The following KTN1 variants were observed in gnomAD, a reference collection of about 807,000 sequenced individuals.
The protein encoded by KTN1 is kinectin.
A neutral mutation model predicts 222.5 loss-of-function variants in KTN1; 130 were observed. The ratio of observed to expected loss-of-function variants is 0.58; its 90% confidence interval spans 0.51 to 0.68. KTN1 has a LOEUF of 0.68. Among genes scored for constraint, KTN1 ranks in the 30% least tolerant of loss-of-function variants. The probability of loss-of-function intolerance (pLI) is 0.00; values close to 1 mark genes in which losing one functional copy is unlikely to be tolerated. For missense variants in KTN1, 1,508 were observed against 1,500.4 expected (o/e 1.01, Z -0.08); for synonymous variants, 512 against 496.3 (o/e 1.03, Z -0.42).
chr14:55,673,239 A>G lies in KTN1; in HGVS notation c.3755A>G (p.Asn1252Ser). 1 of 1,611,130 alleles carries G rather than the reference A, an allele frequency of 6.2e-7. No homozygotes were observed. The highest frequency in any genetic ancestry group is 1.1e-5 in the South Asian group (1 of 90,944). ...DDSYSEAVRQ[N>S]EELNLLKAQL... ...TCATATTCTGAAGCAGTAAGACAGAATGAAGAGCTAAATTTGGTAAGAAGC... is the reference window on the plus strand; with the variant it reads ...TCATATTCTGAAGCAGTAAGACAGAGTGAAGAGCTAAATTTGGTAAGAAGC... Residue 1252 changes from asparagine (N) to serine (S), a missense_variant, in exon 40 of 44, where the codon AAT becomes AGT. Transcript: ENST00000395314.
intron 1 of KTN1, among the ~76,000 whole-genome samples, chr14:55,597,878 G>A (rs1406894095): frequency 2.6e-5 from 4 of 151,950 alleles, no homozygotes; most frequent in Non-Finnish European, 5.9e-5. Flanking sequence ...AATGTAGGTT[G>A]TAGGAATGTA....
At chr14:55,592,657 T>C (rs1262743649) in intron 1 of KTN1, among the ~76,000 whole-genome samples, 1 of 152,240 alleles carries the variant, frequency 6.6e-6, no homozygotes, top group Non-Finnish European at 1.5e-5. Context: ...CAATAAACTT[T>C]GAAGTCCCTC....
intron 1 of KTN1, among the ~76,000 whole-genome samples, chr14:55,602,942 T>C (rs1237696078): frequency 2.6e-5 from 4 of 152,198 alleles, no homozygotes; most frequent in Admixed American, 6.5e-5. Flanking sequence ...AAGAGAATAG[T>C]AGCATTAGGA....
intron 22 of KTN1, 120 bp from the exon 23 acceptor site, chr14:55,650,208 A>G (rs1053257183): frequency 2.8e-6 from 2 of 706,354 alleles, no homozygotes; most frequent in Non-Finnish European, 2.4e-6. Flanking sequence ...ACATGTTGCT[A>G]TTTTATTTAA....
intron 34 of KTN1, chr14:55,668,309 A>G (rs978213604): frequency 6.6e-6 from 1 of 151,948 alleles, no homozygotes; most frequent in Non-Finnish European, 1.5e-5. Context: ...TCTCTTAGAT[A>G]TTTTTTAATC....
intron 2 of KTN1, among the ~76,000 whole-genome samples, chr14:55,616,232 G>A (rs1258746332): frequency 6.6e-6 from 1 of 152,108 alleles, no homozygotes; most frequent in African/African-American, 2.4e-5. Context: ...TTACAGGTGT[G>A]AGCAGCTGCA....
At chr14:55,656,171 A>G (rs758275645) in intron 29 of KTN1, 39 bp downstream of exon 29, 1 of 1,371,078 alleles carries the variant, frequency 7.3e-7, no homozygotes, top group Non-Finnish European at 1.0e-6. Context: ...TTTGTAAATT[A>G]TTGTCTTTGC....
At chr14:55,601,482 C>T (rs1211284462) in intron 1 of KTN1, among the ~76,000 whole-genome samples, 1 of 152,022 alleles carries the variant, frequency 6.6e-6, no homozygotes, top group Admixed American at 6.6e-5. Context: ...TTGTGCACTC[C>T]GGGGCCATTA....
chr14:55,634,655 G>C lies in KTN1; in HGVS notation c.1458G>C (p.Leu486Phe). ...KKNAEQAATQLKVQLQEAERR... is the reference protein window; with the variant it reads ...KKNAEQAATQFKVQLQEAERR... ...ATGCTGAGCAAGCAGCTACTCAGTT[G>C]AAGGTGATATATTCTCACCTTTATT... Residue 486 changes from leucine (L) to phenylalanine (F), a missense_variant, in exon 9 of 44, where the codon TTG becomes TTC. Transcript: ENST00000395314. 1 of 1,610,334 alleles carries C rather than the reference G, an allele frequency of 6.2e-7. No individual in the cohort carries two copies. Among genetic ancestry groups the C allele is most frequent in the Non-Finnish European group, 8.5e-7 (1 of 1,178,466 alleles).
chr14:55,617,373 A>T (rs983387249), intron 3 of KTN1, among the ~76,000 whole-genome samples: 2 of 152,312 alleles, frequency 1.3e-5, no homozygotes, highest in African/African-American at 2.4e-5. Context: ...TTGATGTTCA[A>T]ACTCTTCAAA....
chr14:55,649,867 T>C, intron 22 of KTN1, 54 bp downstream of exon 22: 1 of 993,274 alleles, frequency 1.0e-6, no homozygotes, highest in African/African-American at 1.7e-5. Context: ...CATTTTTTTT[T>C]TGTGTGTGCT....
At chr14:55,643,150 T>G (rs537905393) in intron 18 of KTN1, among the ~76,000 whole-genome samples, 22 of 152,304 alleles carry the variant, frequency 1.4e-4, no homozygotes, top group African/African-American at 5.1e-4. Flanking sequence ...CCTTAAGTGA[T>G]CTGCCTGCCT....
intron 29 of KTN1, among the ~76,000 whole-genome samples, chr14:55,658,163 T>C (rs1213514861): frequency 6.6e-6 from 1 of 152,102 alleles, no homozygotes; most frequent in Non-Finnish European, 1.5e-5. Context: ...GGCTGGGGCA[T>C]CTAGTGGATG....
At chr14:55,617,902 G>C (rs576885861) in intron 3 of KTN1, 62 bp from the exon 4 acceptor site, 1 of 1,156,064 alleles carries the variant, frequency 8.7e-7, no homozygotes, top group South Asian at 1.7e-5. Flanking sequence ...AATTATGCTT[G>C]CATGTCATTT....
rs531169648 is a variant in KTN1 at position 55,659,498 on chromosome 14, G to A, written c.2962-168G>A. ...AGCATTCCATACATTTTACAGATTT[G>A]TACATGTTTTTATTAAAATCACTTG... On this transcript the variant is annotated intron_variant, in intron 30 of 43. Coordinates refer to ENST00000395314, the MANE Select transcript of KTN1 (RefSeq NM_001079521.2). Among the ~76,000 whole-genome samples the A allele has an allele frequency of 2.0e-5, 3 of 152,140 alleles. No individual in the cohort carries two copies. The East Asian group carries it at 5.8e-4, about 29-fold the overall frequency.
chr14:55,633,213 T>C, intron 7 of KTN1, 22 bp from the exon 8 acceptor site: 1 of 1,423,748 alleles, frequency 7.0e-7, no homozygotes, highest in Non-Finnish European at 9.6e-7. Flanking sequence ...TTCTAAGTTT[T>C]ATGTGTGTAA....
At position 55,653,458 on chromosome 14, in the gene KTN1, T is replaced by A. The variant is rs115959124; in HGVS notation, c.2764-101T>A. 2.3e-3 allele frequency: 1,940 copies of A among 832,712 alleles called. 15 individuals carry two copies. In the African/African-American group the frequency reaches 0.028, roughly 12 times the overall value. The allele number at this position is 832,712 out of a possible 1,614,324, so 51.6% of individuals were successfully genotyped here. On this transcript the variant is annotated intron_variant, in intron 27 of 43. Transcript: ENST00000395314. ...ATCTTAAATTTACTGCATATAATTA[T>A]GTTTTTGTTTTTATTGGTGGGTGAT...
rs762218933 is a variant in KTN1 at position 55,637,764 on chromosome 14, TG to T, written c.1717-14del. On this transcript the variant is annotated splice_polypyrimidine_tract_variant and intron_variant, in intron 11 of 43. Coordinates refer to ENST00000395314, the MANE Select transcript of KTN1 (RefSeq NM_001079521.2). ...TTAGCATGCTTTTTCTCTTTTTGGT[TG>T]CTATTTATGAAAGGATATTTTGGAG... 1.3e-6 allele frequency: 2 copies of T among 1,598,292 alleles called. No homozygotes were observed. The highest frequency in any genetic ancestry group is 1.1e-5 in the South Asian group (1 of 89,566).
intron 43 of KTN1, chr14:55,680,178 G>A (rs2046239433): frequency 6.3e-6 from 1 of 158,048 alleles, no homozygotes; most frequent in African/African-American, 2.4e-5. Flanking sequence ...CTTTTGTTAG[G>A]TAATCTAAGA....
Sources: gnomAD v4.1 joint callset for allele counts (sites outside exome capture counted in the v4.1 genomes callset) on GRCh38, gnomAD v4.1.1 for gene constraint, MANE v1.5 for transcripts, NCBI Gene and HGNC (gene_info 2026-07-23, HGNC 2026-07-21) for gene names.